Variants in NPR3 observed in about 807,000 individuals in gnomAD.
NPR3 encodes natriuretic peptide receptor 3, also known as atrial natriuretic peptide receptor 3.
In NPR3, 34 loss-of-function variants were observed where a neutral mutation model predicts 54.5. The observed-to-expected ratio is 0.62, with a 90% CI of 0.47 to 0.83. NPR3 has a LOEUF of 0.83. Among genes scored for constraint, NPR3 ranks in the 40% least tolerant of loss-of-function variants. NPR3 has a pLI of 0.00. For missense variants in NPR3, 674 were observed against 720.8 expected (o/e 0.94, Z 0.74); for synonymous variants, 289 against 297.1 (o/e 0.97, Z 0.28).
At chr5:32,772,954 A>G in intron 3 of NPR3, among the ~76,000 whole-genome samples, 1 of 152,178 alleles carries the variant, frequency 6.6e-6, no homozygotes. Flanking sequence ...AACACGAAAT[A>G]TCTGCTTCCG....
intron 3 of NPR3, among the ~76,000 whole-genome samples, chr5:32,744,873 A>T (rs1740216481): frequency 6.6e-6 from 1 of 151,700 alleles, no homozygotes; most frequent in Non-Finnish European, 1.5e-5. Flanking sequence ...TCTACTGTAA[A>T]CTCTACAAAA....
At chr5:32,706,794 TCA>T (rs1738005222), upstream of NPR3, among the ~76,000 whole-genome samples, 1 of 152,242 alleles carries the variant, frequency 6.6e-6, no homozygotes, top group African/African-American at 2.4e-5. Flanking sequence ...TTTATTTTTT[TCA>T]GTTAATAAAG....
chr5:32,774,130 A>G (rs1259026503), intron 3 of NPR3, among the ~76,000 whole-genome samples: 3 of 152,188 alleles, frequency 2.0e-5, no homozygotes, highest in African/African-American at 7.2e-5. Context: ...TTGGAAAGAG[A>G]GACTAAGACA....
chr5:32,732,247 CAAAAAAA>C (rs34564234), intron 2 of NPR3, among the ~76,000 whole-genome samples: 1 of 32,986 alleles, frequency 3.0e-5, no homozygotes, highest in Non-Finnish European at 6.2e-5. Context: ...GACTCCGTCT[CAAAAAAA>C]AAAAAAAAAA....
chr5:32,698,102 C>CT (rs373194659), intron 1 of NPR3, among the ~76,000 whole-genome samples: 42 of 151,382 alleles, frequency 2.8e-4, no homozygotes, highest in African/African-American at 9.9e-4. Flanking sequence ...AGTTTTTCTA[C>CT]TTTTTTTTGA....
intron 2 of NPR3, among the ~76,000 whole-genome samples, chr5:32,732,004 G>C (rs1739477355): frequency 6.6e-6 from 1 of 152,016 alleles, no homozygotes; most frequent in Non-Finnish European, 1.5e-5. Context: ...CACTTTGGGA[G>C]GCCAAGGCGG....
upstream of NPR3, among the ~76,000 whole-genome samples, chr5:32,706,605 G>A (rs762750978): frequency 2.0e-5 from 3 of 152,120 alleles, no homozygotes; most frequent in Non-Finnish European, 2.9e-5. Context: ...GGAAAGTTTC[G>A]CCAGAGACTT....
chr5:32,750,264 G>A (rs953295863), intron 3 of NPR3, among the ~76,000 whole-genome samples: 4 of 152,134 alleles, frequency 2.6e-5, no homozygotes, highest in Admixed American at 1.3e-4. Flanking sequence ...GTGTAGCTGG[G>A]ACTACACGCG....
chr5:32,729,176 C>G (rs1040067488), intron 2 of NPR3, among the ~76,000 whole-genome samples: 1 of 150,852 alleles, frequency 6.6e-6, no homozygotes, highest in African/African-American at 2.4e-5. Context: ...ACTACAGGCG[C>G]CCGCCACTAC....
At chr5:32,767,258 A>G (rs1435021513) in intron 3 of NPR3, among the ~76,000 whole-genome samples, 2 of 152,154 alleles carry the variant, frequency 1.3e-5, no homozygotes, top group African/African-American at 4.8e-5. Context: ...CCAGCTTTAG[A>G]CTCTTAAAAA....
chr5:32,718,816 A>T (rs998110338), intron 1 of NPR3, among the ~76,000 whole-genome samples: 1 of 151,800 alleles, frequency 6.6e-6, no homozygotes, highest in African/African-American at 2.4e-5. Flanking sequence ...TGATTTCCTC[A>T]TTTCCTAATT....
intron 3 of NPR3, among the ~76,000 whole-genome samples, chr5:32,770,115 C>G (rs1442517170): frequency 6.6e-6 from 1 of 152,162 alleles, no homozygotes; most frequent in Non-Finnish European, 1.5e-5. Context: ...TTCTGGCCAG[C>G]TGCAAAGGAC....
At chr5:32,729,261 C>T (rs1739336535) in intron 2 of NPR3, among the ~76,000 whole-genome samples, 1 of 151,878 alleles carries the variant, frequency 6.6e-6, no homozygotes, top group African/African-American at 2.4e-5. Flanking sequence ...GATCTCCTGA[C>T]CTCGTGATCC....
chr5:32,711,339 C>A lies in NPR3; in HGVS notation c.-438C>A. On this transcript the variant is annotated 5_prime_UTR_variant, in exon 1 of 8. An upstream open reading frame in the 5' UTR gains an earlier in-frame stop. Transcript: ENST00000265074. ...AGGAACCGGCGCGAATCAATGAGAT[C>A]AAATGCGAGGGAGATGCACCGTCAA... 3.0e-6 allele frequency: 3 copies of A among 987,378 alleles called. No homozygotes were observed. Among genetic ancestry groups the A allele is most frequent in the Non-Finnish European group, 3.6e-6 (3 of 831,540 alleles). The allele number at this position is 987,378 out of a possible 1,614,324, so 61.2% of individuals were successfully genotyped here.
In NPR3 at chr5:32,716,116, A is replaced by G. The variant is rs576652381; in HGVS notation, c.769+3571A>G. Among the ~76,000 whole-genome samples the G allele has an allele frequency of 2.0e-5, 3 of 152,358 alleles. No individual in the cohort carries two copies. The East Asian group carries it at 5.8e-4, about 29-fold the overall frequency. On this transcript the variant is annotated intron_variant, in intron 1 of 7. Transcript: ENST00000265074. ...TGGAGCTTTATGAACAACAGAAATA[A>G]AGATGCAATCTCCATTTTGCAAACA...
chr5:32,729,421 T>G (rs182256887), intron 2 of NPR3, among the ~76,000 whole-genome samples: 93 of 152,310 alleles, frequency 6.1e-4, no homozygotes, highest in Middle Eastern at 6.8e-3. Flanking sequence ...AAGTTTTGGA[T>G]TTTGGAACAT....
At chr5:32,739,661 T>C (rs1397305683) in intron 3 of NPR3, among the ~76,000 whole-genome samples, 7 of 152,164 alleles carry the variant, frequency 4.6e-5, no homozygotes, top group Non-Finnish European at 1.0e-4. Context: ...ACAGAGGGAT[T>C]CATCTAAGAG....
intron 1 of NPR3, among the ~76,000 whole-genome samples, chr5:32,700,211 T>G (rs1191152632): frequency 6.6e-6 from 1 of 152,266 alleles, no homozygotes; most frequent in East Asian, 1.9e-4. Context: ...TCTATAACTT[T>G]CTTGTACTTG....
chr5:32,774,550 G>A (rs1741939424), intron 3 of NPR3, among the ~76,000 whole-genome samples, 158 bp from the exon 4 acceptor site: 1 of 152,176 alleles, frequency 6.6e-6, no homozygotes, highest in Admixed American at 6.5e-5. Context: ...GCCATGCCAG[G>A]AAAGTCATGG....
Sources: gnomAD v4.1 joint callset for allele counts (sites outside exome capture counted in the v4.1 genomes callset) on GRCh38, gnomAD v4.1.1 for gene constraint, MANE v1.5 for transcripts, NCBI Gene and HGNC (gene_info 2026-07-23, HGNC 2026-07-21) for gene names.